The following PIGN variants were observed in gnomAD, a reference collection of about 807,000 sequenced individuals.
The protein encoded by PIGN is GPI ethanolamine phosphate transferase 1.
PIGN carries 117 observed loss-of-function variants against 125.4 expected under a neutral mutation model. The ratio of observed to expected loss-of-function variants is 0.93; its 90% CI spans 0.80 to 1.09. The LOEUF (loss-of-function observed/expected upper bound fraction) is 1.09, where lower values mean the gene tolerates loss of function less well. Ranked by LOEUF, PIGN falls within the 50% of genes least tolerant of loss-of-function variation. PIGN has a pLI of 0.00. For synonymous variants in PIGN, 392 were observed against 377.8 expected (o/e 1.04, Z -0.44); for missense variants, 1,075 against 1,094.9 (o/e 0.98, Z 0.26).
Position 62,113,211 on chromosome 18 carries a change from C to T in PIGN, c.1357G>A (p.Gly453Arg). The T allele has an allele frequency of 6.2e-7, 1 of 1,612,900 alleles. No homozygotes were observed. Among genetic ancestry groups the T allele is most frequent in the East Asian group, 2.2e-5 (1 of 44,710 alleles). Residue 453 changes from glycine (G) to arginine (R), a missense_variant, in exon 16 of 31, where the codon GGA becomes AGA. By Grantham distance (125) the Gly-to-Arg change is moderately radical. This residue lies in a region of PIGN where 915 missense variants were observed against 908.7 expected (regional missense o/e 1.01). Coordinates refer to ENST00000640252, the MANE Select transcript of PIGN (RefSeq NM_176787.5). ...AACAAAGAGGCATAAGATATCCATC[C>T]CACAAAACCAATAACAACATTGACG... ...LGVNVVIGFV[G>R]WISYASLLII...
chr18:62,057,698 A>C lies in PIGN; in HGVS notation c.2673-11719T>G, dbSNP rs78414522. On this transcript the variant is annotated intron_variant, in intron 30 of 30. Transcript: ENST00000640252. ...TTGGAATAAACTCCCAATTCTTTAC[A>C]ATGACTTTCAAAGGCCATAAGTGAT... Among the ~76,000 whole-genome samples, 1,479 of 152,278 alleles carry C rather than the reference A, an allele frequency of 9.7e-3. 46 individuals are homozygous for C. Among genetic ancestry groups the C allele is most frequent in the East Asian group, 0.069 (358 of 5,184 alleles).
chr18:62,186,546 T>C (rs1359440249), intron 1 of PIGN, among the ~76,000 whole-genome samples: 1 of 152,158 alleles, frequency 6.6e-6, no homozygotes, highest in African/African-American at 2.4e-5. Flanking sequence ...CAGCGTTCCC[T>C]TTTCCGTTTA....
chr18:62,082,629 T>C, intron 28 of PIGN, 44 bp downstream of exon 28: 1 of 1,069,636 alleles, frequency 9.3e-7, no homozygotes, highest in Non-Finnish European at 1.4e-6. Context: ...TCTCATCTCC[T>C]AAAAATAGGC....
chr18:62,084,590 C>T lies in PIGN; in HGVS notation c.2443G>A (p.Val815Ile). Residue 815 changes from valine to isoleucine, a missense_variant, in exon 27 of 31, where the codon GTC becomes ATC. Val to Ile is a conservative substitution (Grantham distance 29). Coordinates refer to ENST00000640252, the MANE Select transcript of PIGN (RefSeq NM_176787.5). ...CTGAACACAGTCAGAAAGCAATAGACAGAGGCAAGATCAAAGCTAGGGAAT... is the reference window on the plus strand; with the variant it reads ...CTGAACACAGTCAGAAAGCAATAGATAGAGGCAAGATCAAAGCTAGGGAAT... Reference protein sequence around the residue: ...ASINSFDLASVYCFLTVFSPF... With the variant: ...ASINSFDLASIYCFLTVFSPF... 6.4e-7 allele frequency: 1 copy of T among 1,555,650 alleles called. No homozygotes were observed. Among genetic ancestry groups the T allele is most frequent in the South Asian group, 1.2e-5 (1 of 84,298 alleles).
At chr18:62,046,796 T>C (rs903048169) in intron 30 of PIGN, among the ~76,000 whole-genome samples, 1 of 152,150 alleles carries the variant, frequency 6.6e-6, no homozygotes, top group African/African-American at 2.4e-5. Context: ...ATTTTCAACC[T>C]ATAGCTGGCT....
chr18:62,107,211 A>T, intron 17 of PIGN, 126 bp from the exon 18 acceptor site: 1 of 665,316 alleles, frequency 1.5e-6, no homozygotes, highest in Non-Finnish European at 2.7e-6. Flanking sequence ...AAACTAAAAT[A>T]AGCTCTAACG....
rs772214052 is a variant in PIGN at position 62,102,820 on chromosome 18, C to T, written c.1942G>A (p.Glu648Lys). 3.2e-6 allele frequency: 5 copies of T among 1,556,196 alleles called. No individual in the cohort carries two copies. Among genetic ancestry groups the T allele is most frequent in the South Asian group, 1.2e-5 (1 of 83,696 alleles). The stretch of plus-strand genomic sequence containing the variant: ...TGTAACAGATGTACCAATAGCTCTT[C>T]CTTTATAAAGCTATCTTTTCTTTTC... ...LMKRKDSFIK[E>K]ELLVHLLQVL... Residue 648 changes from glutamate to lysine, a missense_variant, in exon 21 of 31, where the codon GAA becomes AAA. Physicochemically the swap from Glu to Lys is moderately conservative, Grantham distance 56. Coordinates refer to ENST00000640252, the MANE Select transcript of PIGN (RefSeq NM_176787.5).
intron 16 of PIGN, chr18:62,112,787 A>C (rs2034931781): frequency 3.5e-6 from 1 of 282,944 alleles, no homozygotes; most frequent in African/African-American, 2.2e-5. Context: ...ATTGTTTTGA[A>C]GTAGTTTTCT....
At chr18:62,035,896 C>G (rs1195310743) in intron 23 of PIGN, among the ~76,000 whole-genome samples, 1 of 152,218 alleles carries the variant, frequency 6.6e-6, no homozygotes, top group Non-Finnish European at 1.5e-5. Context: ...TATCCAGAAG[C>G]TGGAGGTGAG....
intron 30 of PIGN, among the ~76,000 whole-genome samples, chr18:62,051,502 G>T (rs1220659202): frequency 6.6e-6 from 1 of 152,164 alleles, no homozygotes; most frequent in Non-Finnish European, 1.5e-5. Flanking sequence ...GGTGTTTGTA[G>T]TATTCTCTGA....
chr18:62,169,979 C>T (rs577537094), intron 1 of PIGN, among the ~76,000 whole-genome samples: 1 of 152,306 alleles, frequency 6.6e-6, no homozygotes, highest in East Asian at 1.9e-4. Context: ...TGTTGTACAA[C>T]TTTACATTCC....
chr18:62,081,180 C>T (rs2033432715), intron 28 of PIGN, among the ~76,000 whole-genome samples: 2 of 152,094 alleles, frequency 1.3e-5, no homozygotes, highest in African/African-American at 4.8e-5. Context: ...TATCCACCCC[C>T]ATCTTAACTG....
intron 23 of PIGN, among the ~76,000 whole-genome samples, chr18:62,019,292 GA>G (rs1432750954): frequency 1.3e-5 from 2 of 152,190 alleles, no homozygotes; most frequent in Non-Finnish European, 2.9e-5. Context: ...AGTATTTTGG[GA>G]GGGCTAAGTT....
In PIGN at chr18:62,157,160, TC is replaced by T; in HGVS notation, c.410del (p.Gly137GlufsTer63). 6.2e-7 allele frequency: 1 copy of T among 1,607,838 alleles called. No individual in the cohort carries two copies. Among genetic ancestry groups the T allele is most frequent in the Non-Finnish European group, 8.5e-7 (1 of 1,175,908 alleles). On this transcript the variant is annotated frameshift_variant, in exon 6 of 31. Coordinates refer to ENST00000640252, the MANE Select transcript of PIGN (RefSeq NM_176787.5). LOFTEE classifies it high-confidence loss of function. ...FNESKYTWSW[G>X]SPDILPMFAK... Reference sequence around the variant, plus strand: ...CAAACATAGGCAGGATATCTGGGCTTCCCCAGCTCCATGTGTATTTACTTTC... The same window carrying T: ...CAAACATAGGCAGGATATCTGGGCTTCCCAGCTCCATGTGTATTTACTTTC...
intron 30 of PIGN, chr18:62,070,371 T>C: frequency 2.5e-6 from 1 of 398,520 alleles, no homozygotes; most frequent in Non-Finnish European, 4.4e-6. Context: ...CAATTTTCTA[T>C]GGAGTACCTT....
At chr18:62,123,305 C>T (rs2035380983) in intron 14 of PIGN, among the ~76,000 whole-genome samples, 1 of 151,968 alleles carries the variant, frequency 6.6e-6, no homozygotes, top group Non-Finnish European at 1.5e-5. Context: ...TTAATAATTG[C>T]TGAAAAGTTA....
intron 23 of PIGN, among the ~76,000 whole-genome samples, chr18:62,092,272 AT>A (rs2033996542): frequency 6.6e-6 from 1 of 152,190 alleles, no homozygotes; most frequent in Non-Finnish European, 1.5e-5. Context: ...AAAAATGGAA[AT>A]ACCAAATACT....
At chr18:62,109,565 T>C (rs1220202882) in intron 17 of PIGN, among the ~76,000 whole-genome samples, 2 of 152,048 alleles carry the variant, frequency 1.3e-5, no homozygotes, top group Non-Finnish European at 2.9e-5. Flanking sequence ...TTTATTCCAT[T>C]TTTTTTCTAT....
intron 16 of PIGN, among the ~76,000 whole-genome samples, chr18:62,110,781 G>A (rs1222968172): frequency 1.3e-5 from 2 of 151,160 alleles, no homozygotes; most frequent in African/African-American, 4.9e-5. Context: ...CATGGCACAT[G>A]TGTACATATG....
Sources: gnomAD v4.1 joint callset for allele counts (sites outside exome capture counted in the v4.1 genomes callset) on GRCh38, gnomAD v4.1.1 for gene constraint, gnomAD v4.1.1 regional missense constraint, MANE v1.5 for transcripts, NCBI Gene and HGNC (gene_info 2026-07-23, HGNC 2026-07-21) for gene names.